Variants in HMGCLL1 observed in about 807,000 individuals in gnomAD.
The protein encoded by HMGCLL1 is 3-hydroxy-3-methylglutaryl-CoA lyase like 1.
HMGCLL1 carries 36 observed loss-of-function variants against 39.1 expected under a neutral mutation model. That is an observed-to-expected ratio of 0.92 (90% CI 0.71 to 1.22). The LOEUF is 1.22. Ranked by LOEUF, HMGCLL1 falls within the 50% of genes most tolerant of loss-of-function variation. The pLI is 0.00. For synonymous variants in HMGCLL1, 149 were observed against 144.0 expected (o/e 1.03, Z -0.25); for missense variants, 451 against 416.5 (o/e 1.08, Z -0.72).
chr6:55,460,146 T>C (rs1250327395), intron 7 of HMGCLL1, among the ~76,000 whole-genome samples: 1 of 152,018 alleles, frequency 6.6e-6, no homozygotes, highest in African/African-American at 2.4e-5. Flanking sequence ...AATGCATGCA[T>C]GCCTCTGTAA....
chr6:55,525,188 G>C (rs886910864), intron 3 of HMGCLL1, among the ~76,000 whole-genome samples: 1 of 129,408 alleles, frequency 7.7e-6, no homozygotes, highest in East Asian at 2.2e-4. Context: ...ACACCCACCG[G>C]GATATGGAAT....
intron 7 of HMGCLL1, among the ~76,000 whole-genome samples, chr6:55,489,390 T>C (rs1427786839): frequency 6.6e-6 from 1 of 151,842 alleles, no homozygotes; most frequent in Non-Finnish European, 1.5e-5. Flanking sequence ...AGTTTTGAAA[T>C]TTCCATCTCT....
chr6:55,477,767 A>G (rs1765534367), intron 7 of HMGCLL1, among the ~76,000 whole-genome samples: 1 of 150,060 alleles, frequency 6.7e-6, no homozygotes, highest in Admixed American at 6.7e-5. Flanking sequence ...GAACAAAACA[A>G]ACTTTTCTGT....
intron 7 of HMGCLL1, among the ~76,000 whole-genome samples, chr6:55,449,244 G>T (rs1395882171): frequency 6.6e-6 from 1 of 152,174 alleles, no homozygotes; most frequent in African/African-American, 2.4e-5. Context: ...CCTGTACTTA[G>T]GTATGGATAT....
At chr6:55,647,745 C>CTTTTTTTTTTTTTTTTTTT in the HMGCLL1 span, among the ~76,000 whole-genome samples, 33 of 115,836 alleles carry the variant, frequency 2.8e-4, no homozygotes, top group East Asian at 4.8e-4. Context: ...TTTTTTTTTC[C>CTTTTTTTTTTTTTTTTTTT]TTTTTTTTTT....
the HMGCLL1 span, among the ~76,000 whole-genome samples, chr6:55,637,825 G>A: frequency 3.3e-5 from 5 of 151,654 alleles, no homozygotes; most frequent in Non-Finnish European, 7.4e-5. Context: ...CATATTTAAT[G>A]GAATTATTCA....
At chr6:55,671,670 C>T in the HMGCLL1 span, among the ~76,000 whole-genome samples, 82 of 151,792 alleles carry the variant, frequency 5.4e-4, no homozygotes, top group Non-Finnish European at 1.0e-3. Flanking sequence ...GAAAGAACTA[C>T]GTGGAGTTAG....
the HMGCLL1 span, among the ~76,000 whole-genome samples, chr6:55,585,045 A>G: frequency 1.2e-4 from 18 of 152,162 alleles, no homozygotes; most frequent in African/African-American, 4.3e-4. Flanking sequence ...ATCTAAATTG[A>G]TCAGAAGGAT....
intron 3 of HMGCLL1, among the ~76,000 whole-genome samples, chr6:55,519,120 A>G (rs1304883316): frequency 6.6e-6 from 1 of 152,184 alleles, no homozygotes; most frequent in Non-Finnish European, 1.5e-5. Flanking sequence ...TCACGTTAGT[A>G]TAAAGATTCT....
the HMGCLL1 span, among the ~76,000 whole-genome samples, chr6:55,620,369 T>G: frequency 6.6e-6 from 1 of 152,196 alleles, no homozygotes; most frequent in Non-Finnish European, 1.5e-5. Context: ...ATTTCCTGTC[T>G]TTTGGATAGA....
the HMGCLL1 span, among the ~76,000 whole-genome samples, chr6:55,620,938 T>G: frequency 1.3e-5 from 2 of 152,162 alleles, no homozygotes; most frequent in Non-Finnish European, 2.9e-5. Context: ...ACTATAGATG[T>G]GTAAGTTTAT....
chr6:55,526,715 G>A (rs1768342796), intron 3 of HMGCLL1, among the ~76,000 whole-genome samples: 1 of 151,896 alleles, frequency 6.6e-6, no homozygotes, highest in East Asian at 1.9e-4. Flanking sequence ...TTAAACCTAT[G>A]GGTATTTAAT....
chr6:55,634,314 A>C, the HMGCLL1 span, among the ~76,000 whole-genome samples: 6 of 152,088 alleles, frequency 3.9e-5, no homozygotes, highest in Non-Finnish European at 7.4e-5. Flanking sequence ...CAGCCACAAC[A>C]TCCAGCAAGA....
rs1763317077 is a variant in HMGCLL1, at chr6:55,435,071, G to A, written c.*591C>T. 1 of 152,572 alleles carries A rather than the reference G, an allele frequency of 6.6e-6. No homozygotes were observed. 9.5% of individuals were successfully genotyped at this position (152,572 alleles called of 1,614,324 possible). A position where few individuals can be genotyped will look rare whatever the true frequency, so the allele number is the denominator to read the frequency against. On this transcript the variant is annotated 3_prime_UTR_variant, in exon 9 of 9. Transcript: ENST00000274901. ...ATATGGCATCTTGCCATTGGCCACA[G>A]CCTCTTGGAACCAGATAAAGTCACT... is the stretch of plus-strand genomic sequence containing the variant.
intron 7 of HMGCLL1, among the ~76,000 whole-genome samples, chr6:55,450,229 A>G (rs774472132): frequency 3.9e-5 from 6 of 152,230 alleles, no homozygotes; most frequent in Non-Finnish European, 7.4e-5. Context: ...ATGACAGCTG[A>G]GAAAATCCAC....
At chr6:55,657,563 G>A in the HMGCLL1 span, among the ~76,000 whole-genome samples, 2 of 151,822 alleles carry the variant, frequency 1.3e-5, no homozygotes, top group Non-Finnish European at 2.9e-5. Flanking sequence ...TTTTGTACCA[G>A]TACCATGCTA....
intron 7 of HMGCLL1, among the ~76,000 whole-genome samples, chr6:55,487,826 TA>T (rs531924977): frequency 9.9e-5 from 15 of 151,104 alleles, no homozygotes; most frequent in African/African-American, 3.4e-4. Flanking sequence ...TTTTCAGTAT[TA>T]AAAAAAAATA....
chr6:55,512,045 G>A (rs1439367159), intron 5 of HMGCLL1: 3 of 152,094 alleles, frequency 2.0e-5, no homozygotes, highest in African/African-American at 7.2e-5. Context: ...TTTTTCTGAT[G>A]AGGCAATATT....
intron 7 of HMGCLL1, among the ~76,000 whole-genome samples, chr6:55,466,060 A>G (rs1455515940): frequency 6.6e-6 from 1 of 152,080 alleles, no homozygotes; most frequent in Non-Finnish European, 1.5e-5. Flanking sequence ...AGACTGTAAG[A>G]TTCTAGACAA....
Sources: gnomAD v4.1 joint callset for allele counts (sites outside exome capture counted in the v4.1 genomes callset) on GRCh38, gnomAD v4.1.1 for gene constraint, MANE v1.5 for transcripts, NCBI Gene and HGNC (gene_info 2026-07-23, HGNC 2026-07-21) for gene names.